The following NBPF8 variants were observed in gnomAD, a reference collection of about 807,000 sequenced individuals.
The protein encoded by NBPF8 is NBPF member 8, also known as NBPF family member NBPF8.
chr1:120,468,521 T>G (rs1399217930), downstream of NBPF8, among the ~76,000 whole-genome samples: 20 of 149,838 alleles, frequency 1.3e-4, no homozygotes, highest in Non-Finnish European at 2.4e-4. Flanking sequence ...ACATGGTGTA[T>G]GTTCTCATTG....
chr1:120,425,693 C>T (rs1168507861), intron 1 of NBPF8, among the ~76,000 whole-genome samples: 1 of 151,066 alleles, frequency 6.6e-6, no homozygotes, highest in South Asian at 2.1e-4. Context: ...GAGAAACGCC[C>T]ACAGGTGTGG....
intron 16 of NBPF8, among the ~76,000 whole-genome samples, chr1:120,456,549 T>G (rs1303864938): frequency 0.5 from 40,808 of 81,286 alleles, 13,496 homozygotes; most frequent in East Asian, 0.62. Context: ...ATCTTTGTTG[T>G]TTGAAAGTCT....
Position 120,465,257 on chromosome 1 carries a change from T to C in NBPF8, n.3460-6T>C. ...ATGTGTCTGTCCATGTCTGAATTTATTGCAGAAATTGAAAAGAAGGGGAAG... is the reference window on the plus strand; with the variant it reads ...ATGTGTCTGTCCATGTCTGAATTTACTGCAGAAATTGAAAAGAAGGGGAAG... On this transcript the variant is annotated splice_region_variant and splice_polypyrimidine_tract_variant and intron_variant and non_coding_transcript_variant, in intron 23 of 24. Transcript: ENST00000583271. 4 of 587,080 alleles carry C rather than the reference T, an allele frequency of 6.8e-6. No homozygotes were observed. The highest frequency in any genetic ancestry group is 1.2e-5 in the Non-Finnish European group (4 of 328,270). 36.4% of individuals were successfully genotyped at this position (587,080 alleles called of 1,614,324 possible). A position where few individuals can be genotyped will look rare whatever the true frequency, so the allele number is the denominator to read the frequency against.
At chr1:120,446,514 A>G (rs1212746193) in intron 8 of NBPF8, among the ~76,000 whole-genome samples, 5 of 7,066 alleles carry the variant, frequency 7.1e-4, no homozygotes, top group Admixed American at 1.9e-3. Context: ...GGGAACACTT[A>G]CGAATGCTTT....
chr1:120,415,379 G>A (rs1660401879), upstream of NBPF8, among the ~76,000 whole-genome samples: 2 of 151,950 alleles, frequency 1.3e-5, no homozygotes, highest in African/African-American at 4.8e-5. Context: ...GCGACGGAGG[G>A]CGAGGCGGGG....
downstream of NBPF8, among the ~76,000 whole-genome samples, chr1:120,468,843 T>C (rs1203798413): frequency 0.047 from 6,800 of 145,470 alleles, no homozygotes; most frequent in African/African-American, 0.18. Context: ...CTGGCCTCTA[T>C]TTGCATAGTG....
At chr1:120,445,817 A>G (rs1397251169) in intron 7 of NBPF8, 144,877 of 331,816 alleles carry the variant, frequency 0.44, 29,867 homozygotes, top group African/African-American at 0.69. Flanking sequence ...TTTCTCTACC[A>G]TCTCACCTTA....
chr1:120,453,003 A>G (rs2101680427), intron 13 of NBPF8, among the ~76,000 whole-genome samples: 1 of 151,076 alleles, frequency 6.6e-6, no homozygotes, highest in Admixed American at 6.6e-5. Flanking sequence ...TGCTTCTAAG[A>G]GAAAGAATTA....
At chr1:120,415,419 C>A (rs1490081688), upstream of NBPF8, among the ~76,000 whole-genome samples, 1 of 152,062 alleles carries the variant, frequency 6.6e-6, no homozygotes, top group Non-Finnish European at 1.5e-5. Context: ...GTGTTCCGGC[C>A]CCGCCGGGGC....
At chr1:120,469,073 G>GAAC (rs1363630825), downstream of NBPF8, among the ~76,000 whole-genome samples, 1 of 146,378 alleles carries the variant, frequency 6.8e-6, no homozygotes, top group Non-Finnish European at 1.5e-5. Context: ...TTCAAATGCA[G>GAAC]AACTTCAATC....
chr1:120,451,900 C>T (rs1308640188), intron 12 of NBPF8, among the ~76,000 whole-genome samples: 4 of 151,752 alleles, frequency 2.6e-5, no homozygotes, highest in Non-Finnish European at 5.9e-5. Context: ...ATGAATGGAA[C>T]ATCATCGAGG....
At chr1:120,454,606 T>G (rs1661380986) in intron 15 of NBPF8, among the ~76,000 whole-genome samples, 1 of 151,848 alleles carries the variant, frequency 6.6e-6, no homozygotes, top group East Asian at 1.9e-4. Context: ...CTTTTCTTCT[T>G]TACTTTGCTG....
intron 1 of NBPF8, among the ~76,000 whole-genome samples, chr1:120,425,386 A>T (rs1351432812): frequency 6.6e-6 from 1 of 151,890 alleles, no homozygotes; most frequent in Non-Finnish European, 1.5e-5. Flanking sequence ...AGGCATTGAG[A>T]TGTTTCTGTA....
downstream of NBPF8, among the ~76,000 whole-genome samples, chr1:120,467,997 G>A (rs1171957174): frequency 1.3e-5 from 2 of 151,616 alleles, no homozygotes; most frequent in African/African-American, 4.8e-5. Context: ...TGGCATTTAG[G>A]AAGGGTTGTA....
At chr1:120,422,038 G>A (rs1341758451) in intron 1 of NBPF8, among the ~76,000 whole-genome samples, 1 of 151,576 alleles carries the variant, frequency 6.6e-6, no homozygotes, top group African/African-American at 2.4e-5. Flanking sequence ...CCAAAACCTT[G>A]GTATGGGGCT....
intron 4 of NBPF8, 124 bp from the exon 8 acceptor site, chr1:120,441,154 A>C: frequency 1.7e-6 from 1 of 593,296 alleles, no homozygotes; most frequent in African/African-American, 4.3e-5. Context: ...TCTTTAAGGG[A>C]ACCTCCATTT....
downstream of NBPF8, among the ~76,000 whole-genome samples, chr1:120,467,939 C>CGTGA: frequency 6.7e-6 from 1 of 148,996 alleles, no homozygotes; most frequent in East Asian, 2.3e-4. Context: ...TTGTATTCTT[C>CGTGA]GTGAGTGTGA....
exon 13 of NBPF8, chr1:120,452,160 C>T: frequency 1.9e-6 from 3 of 1,604,044 alleles, no homozygotes; most frequent in African/African-American, 1.4e-5. Flanking sequence ...AGAGCTGACC[C>T]AGTTAAGGGA....
intron 1 of NBPF8, among the ~76,000 whole-genome samples, chr1:120,420,798 C>T (rs1346688628): frequency 2.7e-5 from 4 of 149,230 alleles, no homozygotes; most frequent in Admixed American, 1.3e-4. Context: ...CTATTAGGCA[C>T]CATGCCCTGC....
Sources: allele counts gnomAD v4.1 joint callset (sites outside exome capture counted in the v4.1 genomes callset), GRCh38; gene constraint gnomAD v4.1.1; transcripts MANE v1.5; gene names NCBI Gene and HGNC (gene_info 2026-07-23, HGNC 2026-07-21).